HELLS: variants seen among roughly 807,000 people sequenced by gnomAD.
The protein encoded by HELLS is lymphoid-specific helicase.
A neutral mutation model predicts 120.0 loss-of-function variants in HELLS; 32 were observed. The ratio of observed to expected loss-of-function variants is 0.27; its 90% CI spans 0.20 to 0.36. HELLS has a LOEUF of 0.36. Ranked by LOEUF, HELLS falls within the 10% of genes least tolerant of loss-of-function variation. The pLI, the probability that HELLS is intolerant of heterozygous loss-of-function variation, is 1.00. For missense variants in HELLS, 650 were observed against 993.4 expected, an observed-to-expected ratio of 0.65 and a Z score of 4.65; for synonymous variants, 341 against 323.4, an observed-to-expected ratio of 1.05 and a Z score of -0.58.
intron 9 of HELLS, among the ~76,000 whole-genome samples, chr10:94,609,181 G>A (rs1382167199): frequency 2.0e-5 from 3 of 151,914 alleles, no homozygotes; most frequent in South Asian, 2.1e-4. Flanking sequence ...GTGCCACCAC[G>A]CCCGGCGAGT....
At chr10:94,587,424 CTT>C (rs1301165388) in intron 12 of HELLS, among the ~76,000 whole-genome samples, 1 of 151,698 alleles carries the variant, frequency 6.6e-6, no homozygotes, top group Non-Finnish European at 1.5e-5. Flanking sequence ...CAGTTATACA[CTT>C]TTGTGTGTGT....
chr10:94,546,597 C>G, intron 2 of HELLS, 99 bp downstream of exon 2: 1 of 1,318,040 alleles, frequency 7.6e-7, no homozygotes, highest in South Asian at 1.2e-5. Flanking sequence ...ATTTAGTGGG[C>G]TTTTTAATAA....
intron 2 of HELLS, among the ~76,000 whole-genome samples, chr10:94,548,059 A>G (rs1274829267): frequency 1.3e-5 from 2 of 152,222 alleles, no homozygotes; most frequent in Non-Finnish European, 2.9e-5. Context: ...AGAATTTACC[A>G]TGACCAAATA....
downstream of HELLS, among the ~76,000 whole-genome samples, chr10:94,603,446 CTT>C (rs2134142043): frequency 6.6e-6 from 1 of 152,292 alleles, no homozygotes; most frequent in East Asian, 1.9e-4. Context: ...TTCTCTGACT[CTT>C]TTCTCAGTTT....
In HELLS at chr10:94,601,772, T is replaced by G. The variant is rs759448168; in HGVS notation, c.*150T>G. Reference sequence around the variant, plus strand: ...CATGCGTACTTAAATAGATGGTAATTTTCTGAGCCTTACCAAGAACAAAGA... The same window carrying G: ...CATGCGTACTTAAATAGATGGTAATGTTCTGAGCCTTACCAAGAACAAAGA... On this transcript the variant is annotated 3_prime_UTR_variant, in exon 22 of 22. Coordinates refer to ENST00000348459, the MANE Select transcript of HELLS (RefSeq NM_018063.5). 1 of 482,456 alleles carries G rather than the reference T, an allele frequency of 2.1e-6. No homozygotes were observed. Among genetic ancestry groups the G allele is most frequent in the Non-Finnish European group, 3.7e-6 (1 of 272,742 alleles). The allele number at this position is 482,456 out of a possible 1,614,324, so 29.9% of individuals were successfully genotyped here. A position where few individuals can be genotyped will look rare whatever the true frequency, so the allele number is the denominator to read the frequency against.
chr10:94,548,406 A>C (rs1446872773), intron 2 of HELLS, among the ~76,000 whole-genome samples: 1 of 152,198 alleles, frequency 6.6e-6, no homozygotes, highest in African/African-American at 2.4e-5. Flanking sequence ...GTTTCTTCAT[A>C]TACCCATTAT....
At chr10:94,600,354 A>G (rs1345454362) in intron 21 of HELLS, among the ~76,000 whole-genome samples, 1 of 152,090 alleles carries the variant, frequency 6.6e-6, no homozygotes, top group East Asian at 1.9e-4. Flanking sequence ...TAAAATTTAT[A>G]TGAGAGAGTA....
chr10:94,557,237 C>A, intron 3 of HELLS: 1 of 354,610 alleles, frequency 2.8e-6, no homozygotes, highest in South Asian at 2.1e-5. Flanking sequence ...GTCCCGGTGT[C>A]CCCATCACCC....
At chr10:94,589,580 G>A (rs1321047711) in intron 13 of HELLS, among the ~76,000 whole-genome samples, 1 of 151,544 alleles carries the variant, frequency 6.6e-6, no homozygotes, top group African/African-American at 2.4e-5. Flanking sequence ...TAACTTTCCA[G>A]GTTTTTTATT....
chr10:94,567,894 A>G (rs1479364920), intron 6 of HELLS, among the ~76,000 whole-genome samples: 2 of 148,292 alleles, frequency 1.3e-5, no homozygotes, highest in Non-Finnish European at 3.0e-5. Context: ...GGGCAAGAGA[A>G]TGAAACCCTG....
chr10:94,574,794 T>G, intron 9 of HELLS, 58 bp downstream of exon 9: 1 of 1,348,130 alleles, frequency 7.4e-7, no homozygotes, highest in Non-Finnish European at 1.0e-6. Flanking sequence ...TATGCTTTGT[T>G]GTAGTAGGAA....
chr10:94,573,830 G>A, intron 7 of HELLS, 130 bp from the exon 8 acceptor site: 1 of 568,440 alleles, frequency 1.8e-6, no homozygotes, highest in South Asian at 2.5e-5. Context: ...TTTAATCCAG[G>A]TGTGATCTTA....
downstream of HELLS, among the ~76,000 whole-genome samples, chr10:94,605,072 TCCC>T (rs3054948): frequency 0.013 from 896 of 66,794 alleles, 34 homozygotes; most frequent in Admixed American, 0.015. Flanking sequence ...GTCTTGTGTC[TCCC>T]CCCCCCCCCC....
chr10:94,582,688 G>T (rs959912801), intron 11 of HELLS, among the ~76,000 whole-genome samples: 2 of 151,760 alleles, frequency 1.3e-5, no homozygotes, highest in Non-Finnish European at 2.9e-5. Flanking sequence ...TCTTATTTTT[G>T]ATTTTTATAC....
intron 2 of HELLS, among the ~76,000 whole-genome samples, 154 bp downstream of exon 2, chr10:94,546,652 A>G (rs1001935938): frequency 6.6e-6 from 1 of 152,196 alleles, no homozygotes; most frequent in Non-Finnish European, 1.5e-5. Flanking sequence ...GTATGTTTAC[A>G]GATATTGCCT....
chr10:94,562,175 G>A lies in HELLS; in HGVS notation c.334-516G>A, dbSNP rs187146683. Reference sequence around the variant, plus strand: ...TCCCAGCACTTGGGGAGGCCTAGGCGGGCGGATCACCTGAGGTCAGAAATT... The same window carrying A: ...TCCCAGCACTTGGGGAGGCCTAGGCAGGCGGATCACCTGAGGTCAGAAATT... On this transcript the variant is annotated intron_variant, in intron 4 of 21. Transcript: ENST00000348459. Among the ~76,000 whole-genome samples the A allele has an allele frequency of 1.3e-4, 20 of 151,964 alleles. No homozygotes were observed. In the East Asian group the frequency reaches 3.6e-3, roughly 27 times the overall value.
At position 94,590,397 on chromosome 10, in the gene HELLS, A is replaced by T; in HGVS notation, c.1489-16A>T. On this transcript the variant is annotated splice_polypyrimidine_tract_variant and intron_variant, in intron 13 of 21. Transcript: ENST00000348459. ...AGCTTTATAAACTGAATTTCTTTTA[A>T]TTCGTTCCCTTTTAGAAAGAAACAA... The T allele has an allele frequency of 6.3e-7, 1 of 1,588,502 alleles. No homozygotes were observed. Among genetic ancestry groups the T allele is most frequent in the African/African-American group, 1.4e-5 (1 of 73,218 alleles).
rs749358455 is a variant in HELLS at position 94,590,405 on chromosome 10, C to T, written c.1489-8C>T. On this transcript the variant is annotated splice_region_variant and splice_polypyrimidine_tract_variant and intron_variant, in intron 13 of 21. Coordinates refer to ENST00000348459, the MANE Select transcript of HELLS (RefSeq NM_018063.5). The stretch of plus-strand genomic sequence containing the variant: ...AAACTGAATTTCTTTTAATTCGTTC[C>T]CTTTTAGAAAGAAACAATTGAGTTA... 1.9e-6 allele frequency: 3 copies of T among 1,589,018 alleles called. No individual in the cohort carries two copies. The highest frequency in any genetic ancestry group is 2.2e-5 in the East Asian group (1 of 44,616).
intron 10 of HELLS, among the ~76,000 whole-genome samples, chr10:94,578,828 A>G (rs1844654872): frequency 6.6e-6 from 1 of 152,126 alleles, no homozygotes; most frequent in Non-Finnish European, 1.5e-5. Flanking sequence ...AACCCAGACA[A>G]CCCAGATCCC....
Sources: allele counts gnomAD v4.1 joint callset (sites outside exome capture counted in the v4.1 genomes callset), GRCh38; gene constraint gnomAD v4.1.1; transcripts MANE v1.5; gene names NCBI Gene and HGNC (gene_info 2026-07-23, HGNC 2026-07-21).